Variants in DST observed in about 807,000 individuals in gnomAD.
DST encodes the protein bullous pemphigoid antigen.
Under a neutral mutation model 875.2 loss-of-function variants are expected in DST, and 253 were observed. The observed-to-expected ratio is 0.29, with a 90% CI of 0.26 to 0.32. The LOEUF (loss-of-function observed/expected upper bound fraction) is 0.32. DST is among the 10% of genes least tolerant of loss of function. The pLI is 1.00. For missense variants in DST, 8,287 were observed against 9,111.6 expected, an observed-to-expected ratio of 0.91 and a Z score of 3.68; for synonymous variants, 3,124 against 3,197.1, an observed-to-expected ratio of 0.98 and a Z score of 0.77.
At position 56,506,481 on chromosome 6, in the gene DST, C is replaced by T; in HGVS notation, c.19426G>A (p.Ala6476Thr). Residue 6476 changes from alanine (A) to threonine (T), a missense_variant, in exon 77 of 104, where the codon GCA becomes ACA. Around this residue, in one of 10 missense-constraint regions of DST, gnomAD observed 1,292 missense variants for 1,552.7 expected, o/e 0.83. Transcript: ENST00000680361. Reference protein sequence around the residue: ...WKDRIDKLEEAMQAAVQYQDG... With the variant: ...WKDRIDKLEETMQAAVQYQDG... ...TGGTACTGAACGGCAGCCTGCATTG[C>T]CTCCTCAAGTTTGTCAATCCGGTCT... The T allele has an allele frequency of 6.2e-7, 1 of 1,613,178 alleles. No homozygotes were observed. The highest frequency in any genetic ancestry group is 2.2e-5 in the East Asian group (1 of 44,848).
At chr6:56,634,305 G>A in intron 26 of DST, 47 bp from the exon 27 acceptor site, 1 of 1,612,690 alleles carries the variant, frequency 6.2e-7, no homozygotes, top group Non-Finnish European at 8.5e-7. Flanking sequence ...TACTCCCTCT[G>A]AAAACACACT....
chr6:56,526,680 T>TCC, intron 68 of DST, 113 bp from the exon 69 acceptor site: 1 of 845,892 alleles, frequency 1.2e-6, no homozygotes, highest in Non-Finnish European at 1.8e-6. Flanking sequence ...TTTGCCCCAC[T>TCC]CCCCCCCTCC....
At chr6:56,630,216 T>C in intron 31 of DST, 29 bp downstream of exon 31, 5 of 1,493,336 alleles carry the variant, frequency 3.3e-6, no homozygotes, top group South Asian at 1.1e-5. Context: ...AATACGATAT[T>C]TAAAAATATC....
chr6:56,560,151 C>A lies in DST; in HGVS notation c.14440+143G>T, dbSNP rs1341707147. On this transcript the variant is annotated intron_variant, in intron 58 of 103. Transcript: ENST00000680361. ...CTGCACAATATAATTTGAAATGACA[C>A]TTTATGCAAAAAATAGATTCTGAAA... The A allele has an allele frequency of 1.7e-5, 14 of 817,444 alleles. No homozygotes were observed. In the East Asian group the frequency reaches 4.1e-4, roughly 24 times the overall value. The allele number at this position is 817,444 out of a possible 1,614,324, so 50.6% of individuals were successfully genotyped here. A position where few individuals can be genotyped will look rare whatever the true frequency, so the allele number is the denominator to read the frequency against.
chr6:56,803,676 A>C (rs141630708), intron 4 of DST, among the ~76,000 whole-genome samples: 2 of 152,136 alleles, frequency 1.3e-5, no homozygotes, highest in Non-Finnish European at 2.9e-5. Context: ...AACAAAGTCA[A>C]CTCCCATCCT....
chr6:56,780,844 G>T (rs1404379606), intron 4 of DST, among the ~76,000 whole-genome samples: 2 of 152,062 alleles, frequency 1.3e-5, no homozygotes, highest in African/African-American at 4.8e-5. Flanking sequence ...TTCTTCTAGG[G>T]TTTTTATGGT....
At chr6:56,552,111 C>T in intron 61 of DST, 73 bp downstream of exon 61, 1 of 1,457,830 alleles carries the variant, frequency 6.9e-7, no homozygotes, top group South Asian at 1.4e-5. Context: ...ACAAAATAGG[C>T]AATCTCCTTT....
rs576949911 is a variant in DST at position 56,525,499 on chromosome 6, T to C, written c.18129+862A>G. Among the ~76,000 whole-genome samples the C allele has an allele frequency of 2.7e-4, 41 of 152,200 alleles. 1 individual carries two copies. The highest frequency in any genetic ancestry group is 1.9e-4 in the Non-Finnish European group (13 of 68,024). ...GAACTAACTATAAATTCCATTTCTA[T>C]GGCAACATTAGAAAATTAATTCTGG... On this transcript the variant is annotated intron_variant, in intron 69 of 103. Coordinates refer to ENST00000680361, the MANE Select transcript of DST (RefSeq NM_001374736.1).
chr6:56,789,874 T>G (rs1354865247), intron 4 of DST, among the ~76,000 whole-genome samples: 1 of 152,210 alleles, frequency 6.6e-6, no homozygotes, highest in Non-Finnish European at 1.5e-5. Context: ...AGCTTCCACC[T>G]ATTGGCCACT....
intron 4 of DST, among the ~76,000 whole-genome samples, chr6:56,789,681 A>G (rs1392194125): frequency 1.3e-5 from 2 of 152,212 alleles, no homozygotes; most frequent in Non-Finnish European, 2.9e-5. Context: ...TAGATGCTTC[A>G]TGTAAGTGGA....
In DST at chr6:56,634,449, A is replaced by G. The variant is rs920741033; in HGVS notation, c.3494+13T>C. 2.5e-6 allele frequency: 4 copies of G among 1,613,822 alleles called. No homozygotes were observed. The highest frequency in any genetic ancestry group is 3.4e-6 in the Non-Finnish European group (4 of 1,179,820). On this transcript the variant is annotated intron_variant, in intron 26 of 103. Transcript: ENST00000680361. ...CAAAACTAGCTCAACATTTTTAGCT[A>G]ATATATACAAACCTGTTGGCAAGGT...
At chr6:56,867,989 A>C (rs1435130279) in intron 3 of DST, among the ~76,000 whole-genome samples, 3 of 152,208 alleles carry the variant, frequency 2.0e-5, no homozygotes, top group Non-Finnish European at 2.9e-5. Flanking sequence ...TTCTAGAAAT[A>C]AACTTCAGAA....
chr6:56,668,559 T>C (rs2152824220), intron 10 of DST, among the ~76,000 whole-genome samples: 1 of 152,052 alleles, frequency 6.6e-6, no homozygotes, highest in South Asian at 2.1e-4. Flanking sequence ...CTGGCTGACA[T>C]GGTGAAATCC....
At chr6:56,766,591 C>G (rs778841412) in intron 4 of DST, among the ~76,000 whole-genome samples, 2 of 150,400 alleles carry the variant, frequency 1.3e-5, no homozygotes, top group African/African-American at 4.9e-5. Flanking sequence ...TATGCAGTGG[C>G]GTGATTTCGA....
At chr6:56,926,851 TAGAA>T (rs1466793910) in intron 2 of DST, among the ~76,000 whole-genome samples, 1 of 152,072 alleles carries the variant, frequency 6.6e-6, no homozygotes, top group Non-Finnish European at 1.5e-5. Flanking sequence ...TTGAAGAACT[TAGAA>T]GGAAGAAGGG....
Position 56,607,802 on chromosome 6 carries a change from G to A in DST, c.6826C>T (p.Pro2276Ser), listed in dbSNP as rs991899543. Residue 2276 changes from proline (P) to serine (S), a missense_variant, in exon 40 of 104, where the codon CCA (proline) becomes TCA (serine). Pro to Ser is a moderately conservative substitution (Grantham distance 74). Coordinates refer to ENST00000680361, the MANE Select transcript of DST (RefSeq NM_001374736.1). The part of the protein sequence containing the change: ...GREKDECTAT[P>S]SSFNKCHCGE... The stretch of plus-strand genomic sequence containing the variant: ...CAGTGACATTTATTGAAACTACTTG[G>A]TGTAGCTGTACATTCATCCTTTTCT... The A allele has an allele frequency of 1.2e-6, 2 of 1,613,270 alleles. No homozygotes were observed. Among genetic ancestry groups the A allele is most frequent in the Non-Finnish European group, 8.5e-7 (1 of 1,179,626 alleles).
intron 88 of DST, 103 bp downstream of exon 88, chr6:56,485,209 T>C: frequency 7.8e-7 from 1 of 1,278,080 alleles, no homozygotes; most frequent in Non-Finnish European, 1.1e-6. Context: ...TGTAGTATGA[T>C]CTATAGTCTT....
chr6:56,516,106 G>GTATA (rs538292640), intron 71 of DST, among the ~76,000 whole-genome samples: 3,765 of 146,122 alleles, frequency 0.026, 66 homozygotes, highest in Non-Finnish European at 0.043. Flanking sequence ...ATGTGTGTGT[G>GTATA]TATATATATA....
chr6:56,567,564 A>C lies in DST; in HGVS notation c.14005+905T>G, dbSNP rs1391823456. Among the ~76,000 whole-genome samples, 5 of 152,172 alleles carry C rather than the reference A, an allele frequency of 3.3e-5. No individual in the cohort carries two copies. In the East Asian group the frequency reaches 7.7e-4, roughly 23 times the overall value. ...AGTAGAATTCCTCTTCTTAAAAAAA[A>C]AACAACAAAACTTCACACTTCAGGA... On this transcript the variant is annotated intron_variant, in intron 55 of 103. Coordinates refer to ENST00000680361, the MANE Select transcript of DST (RefSeq NM_001374736.1).
Sources: allele counts gnomAD v4.1 joint callset (sites outside exome capture counted in the v4.1 genomes callset), GRCh38; gene constraint gnomAD v4.1.1; regional missense constraint gnomAD v4.1.1; transcripts MANE v1.5; gene names NCBI Gene and HGNC (gene_info 2026-07-23, HGNC 2026-07-21).